The following EIF4G3 variants were observed in gnomAD, a reference collection of about 807,000 sequenced individuals.
EIF4G3 encodes eukaryotic translation initiation factor 4 gamma 3, also known as eIF-4-gamma 3.
Under a neutral mutation model 186.4 loss-of-function variants are expected in EIF4G3, and 34 were observed. The observed-to-expected ratio is 0.18, with a 90% CI of 0.14 to 0.24. The LOEUF (loss-of-function observed/expected upper bound fraction) is 0.24. Ranked by LOEUF, EIF4G3 falls within the 10% of genes least tolerant of loss-of-function variation. The probability of loss-of-function intolerance (pLI) is 1.00; values close to 1 mark genes in which losing one functional copy is unlikely to be tolerated. For missense variants in EIF4G3, 1,536 were observed against 1,948.5 expected, an observed-to-expected ratio of 0.79 and a Z score of 3.99; for synonymous variants, 673 against 679.5, an observed-to-expected ratio of 0.99 and a Z score of 0.15.
At chr1:20,841,070 A>G (rs544668879) in intron 29 of EIF4G3, 42 bp from the exon 30 acceptor site, 2 of 1,593,406 alleles carry the variant, frequency 1.3e-6, no homozygotes, top group African/African-American at 2.7e-5. Context: ...AAATCTGAAT[A>G]GTGTTACCAG....
At chr1:21,120,942 C>A (rs745683873) in intron 2 of EIF4G3, among the ~76,000 whole-genome samples, 9 of 152,122 alleles carry the variant, frequency 5.9e-5, no homozygotes, top group Non-Finnish European at 1.2e-4. Flanking sequence ...GTTTTTGAGA[C>A]AAGGTCTCAC....
intron 30 of EIF4G3, among the ~76,000 whole-genome samples, chr1:20,831,568 T>C (rs1361207405): frequency 6.6e-6 from 1 of 151,010 alleles, no homozygotes; most frequent in Non-Finnish European, 1.5e-5. Context: ...TACCAGAAAA[T>C]AAGGATCATT....
intron 14 of EIF4G3, among the ~76,000 whole-genome samples, chr1:20,917,897 A>G (rs2094068978): frequency 2.6e-5 from 4 of 151,894 alleles, no homozygotes; most frequent in Non-Finnish European, 4.4e-5. Context: ...AAACATTTCT[A>G]TGACATACTG....
intron 2 of EIF4G3, among the ~76,000 whole-genome samples, chr1:21,143,101 T>C (rs999495732): frequency 4.6e-5 from 7 of 151,730 alleles, no homozygotes; most frequent in African/African-American, 1.7e-4. Context: ...ATACAAAAAT[T>C]AGCTAGGTGT....
intron 20 of EIF4G3, among the ~76,000 whole-genome samples, chr1:20,865,686 C>T (rs1057228016): frequency 2.0e-5 from 3 of 151,970 alleles, no homozygotes; most frequent in African/African-American, 7.3e-5. Context: ...CTGGTTATCG[C>T]AAAACTGTTG....
intron 14 of EIF4G3, among the ~76,000 whole-genome samples, chr1:20,928,059 T>C (rs2095047840): frequency 6.6e-6 from 1 of 151,984 alleles, no homozygotes; most frequent in Non-Finnish European, 1.5e-5. Context: ...AAGGTCTCCA[T>C]ATGTTGCCCA....
At chr1:21,173,287 C>T (rs993910315) in intron 2 of EIF4G3, among the ~76,000 whole-genome samples, 2 of 151,272 alleles carry the variant, frequency 1.3e-5, no homozygotes, top group South Asian at 2.1e-4. Context: ...ACTTCTGCCT[C>T]GTGGGTTCAA....
chr1:21,119,850 T>C (rs1439055611), intron 2 of EIF4G3, among the ~76,000 whole-genome samples: 1 of 152,154 alleles, frequency 6.6e-6, no homozygotes, highest in African/African-American at 2.4e-5. Context: ...TTCTTAAGCA[T>C]CTTTCCAGAA....
intron 14 of EIF4G3, among the ~76,000 whole-genome samples, chr1:20,905,652 A>C (rs951835457): frequency 1.3e-5 from 2 of 152,236 alleles, no homozygotes; most frequent in African/African-American, 4.8e-5. Context: ...AGGGCTTTAA[A>C]AAATTCATCT....
At chr1:21,070,711 T>C (rs2095417283) in intron 3 of EIF4G3, among the ~76,000 whole-genome samples, 1 of 152,206 alleles carries the variant, frequency 6.6e-6, no homozygotes, top group African/African-American at 2.4e-5. Flanking sequence ...TTCAGATATG[T>C]CAATTAATAT....
intron 29 of EIF4G3, among the ~76,000 whole-genome samples, chr1:20,841,475 G>C (rs1303863748): frequency 6.6e-6 from 1 of 152,182 alleles, no homozygotes; most frequent in Non-Finnish European, 1.5e-5. Flanking sequence ...TTATGAAATA[G>C]AAATTTAATG....
intron 33 of EIF4G3, 125 bp downstream of exon 33, chr1:20,824,975 C>T (rs1215755799): frequency 3.6e-6 from 2 of 550,220 alleles, no homozygotes; most frequent in African/African-American, 1.9e-5. Flanking sequence ...CTTAAAAGGA[C>T]ATCTTTACCA....
At chr1:20,880,786 A>G (rs2154554258) in intron 19 of EIF4G3, among the ~76,000 whole-genome samples, 1 of 152,274 alleles carries the variant, frequency 6.6e-6, no homozygotes, top group African/African-American at 2.4e-5. Flanking sequence ...TGAAAACTAT[A>G]AATCACTGAT....
At chr1:20,813,393 T>C in intron 34 of EIF4G3, among the ~76,000 whole-genome samples, 154 bp from the exon 35 acceptor site, 2 of 94,808 alleles carry the variant, frequency 2.1e-5, no homozygotes, top group Admixed American at 1.4e-4. Flanking sequence ...TAAGACCCTA[T>C]CTCTTAAAAA....
At chr1:20,976,130 G>GT (rs550634251) in intron 10 of EIF4G3, among the ~76,000 whole-genome samples, 3,562 of 143,878 alleles carry the variant, frequency 0.025, 78 homozygotes, top group South Asian at 0.077. Flanking sequence ...ACACACAGAG[G>GT]TTTTTTTTTT....
intron 14 of EIF4G3, 75 bp downstream of exon 14, chr1:20,941,416 C>T (rs1430827183): frequency 1.2e-6 from 2 of 1,609,316 alleles, no homozygotes; most frequent in East Asian, 2.2e-5. Flanking sequence ...AGGAAAGTAG[C>T]CAATTAAAAA....
intron 3 of EIF4G3, among the ~76,000 whole-genome samples, chr1:21,061,878 G>T (rs1227089509): frequency 1.3e-5 from 2 of 151,408 alleles, no homozygotes; most frequent in African/African-American, 4.9e-5. Context: ...CTCCCAAGTA[G>T]CTGGGACTAC....
intron 2 of EIF4G3, among the ~76,000 whole-genome samples, chr1:21,096,422 A>T (rs756189436): frequency 1.3e-5 from 2 of 152,242 alleles, no homozygotes; most frequent in African/African-American, 2.4e-5. Flanking sequence ...TAATGGGTAC[A>T]ACATATGTTT....
At chr1:21,150,075 T>G (rs888791974) in intron 2 of EIF4G3, among the ~76,000 whole-genome samples, 2 of 152,244 alleles carry the variant, frequency 1.3e-5, no homozygotes, top group African/African-American at 4.8e-5. Flanking sequence ...CCAATTCTTG[T>G]GGCCACAACC....
Sources: gnomAD v4.1 joint callset for allele counts (sites outside exome capture counted in the v4.1 genomes callset) on GRCh38, gnomAD v4.1.1 for gene constraint, MANE v1.5 for transcripts, NCBI Gene and HGNC (gene_info 2026-07-23, HGNC 2026-07-21) for gene names.